TMED10: variants seen among roughly 807,000 people sequenced by gnomAD.
TMED10 encodes the protein transmembrane emp24 domain-containing protein 10.
A neutral mutation model predicts 23.1 loss-of-function variants in TMED10; 7 were observed. That is an observed-to-expected ratio of 0.30 (90% confidence interval 0.17 to 0.57). The LOEUF (loss-of-function observed/expected upper bound fraction) is 0.57. Ranked by LOEUF, TMED10 falls within the 20% of genes least tolerant of loss-of-function variation. The pLI is 0.91. For synonymous variants in TMED10, 113 were observed against 106.9 expected (o/e 1.06, Z -0.35); for missense variants, 162 against 274.8 (o/e 0.59, Z 2.90).
intron 1 of TMED10, among the ~76,000 whole-genome samples, chr14:75,158,616 C>T (rs998524625): frequency 6.6e-6 from 1 of 151,750 alleles, no homozygotes; most frequent in Admixed American, 6.5e-5. Flanking sequence ...CATGAGCCAC[C>T]GTGCCCAGCC....
chr14:75,143,027 T>G (rs1183747699), intron 3 of TMED10, among the ~76,000 whole-genome samples: 1 of 152,060 alleles, frequency 6.6e-6, no homozygotes, highest in African/African-American at 2.4e-5. Flanking sequence ...CCCAGCTAAT[T>G]TTTGTATTTT....
chr14:75,159,977 C>T (rs1896067382), intron 1 of TMED10, among the ~76,000 whole-genome samples: 1 of 152,190 alleles, frequency 6.6e-6, no homozygotes, highest in African/African-American at 2.4e-5. Flanking sequence ...TGAAATTTAC[C>T]TCCCAGAAAT....
At chr14:75,151,998 T>A (rs780961354) in intron 2 of TMED10, 34 bp downstream of exon 2, 1 of 1,562,912 alleles carries the variant, frequency 6.4e-7, no homozygotes, top group African/African-American at 1.4e-5. Context: ...TTGGAGAAGA[T>A]TCTTAATCCA....
intron 3 of TMED10, among the ~76,000 whole-genome samples, chr14:75,143,137 G>A (rs2139836331): frequency 6.6e-6 from 1 of 152,258 alleles, no homozygotes; most frequent in South Asian, 2.1e-4. Flanking sequence ...GGGATTACAG[G>A]TGTGAGCCAC....
At chr14:75,152,772 G>A (rs1227402899) in intron 1 of TMED10, among the ~76,000 whole-genome samples, 2 of 149,948 alleles carry the variant, frequency 1.3e-5, no homozygotes, top group African/African-American at 2.5e-5. Context: ...GGTGGCTCAC[G>A]CCTGTAATCC....
intron 1 of TMED10, among the ~76,000 whole-genome samples, chr14:75,156,244 TAG>T (rs1203965857): frequency 6.6e-6 from 1 of 152,160 alleles, no homozygotes; most frequent in African/African-American, 2.4e-5. Flanking sequence ...GCCTTCAGTA[TAG>T]AGAGAAGGTG....
intron 1 of TMED10, among the ~76,000 whole-genome samples, chr14:75,161,140 C>T (rs183562755): frequency 3.3e-4 from 50 of 152,268 alleles, no homozygotes; most frequent in African/African-American, 1.0e-3. Context: ...GTGAGAAGTG[C>T]GAAAACAGGT....
intron 1 of TMED10, among the ~76,000 whole-genome samples, chr14:75,164,577 A>ATTTTTTTTTTT (rs60845992): frequency 1.3e-4 from 6 of 45,118 alleles, no homozygotes; most frequent in African/African-American, 4.4e-4. Context: ...ATATATATAT[A>ATTTTTTTTTTT]TTTTTTTTTT....
At chr14:75,155,051 C>T (rs867159427) in intron 1 of TMED10, among the ~76,000 whole-genome samples, 9 of 151,896 alleles carry the variant, frequency 5.9e-5, no homozygotes, top group African/African-American at 1.9e-4. Flanking sequence ...CTCCGCCTTC[C>T]GGATTCAAGT....
At position 75,170,083 on chromosome 14, in the gene TMED10, C is replaced by T. The variant is rs534126825; in HGVS notation, c.225+6272G>A. On this transcript the variant is annotated intron_variant, in intron 1 of 4. Transcript: ENST00000303575. ...AATACAAAAAATACAAAAAATTAGC[C>T]GGGCGTGGTGGCGGGCGCCTGTAGT... Among the ~76,000 whole-genome samples the T allele has an allele frequency of 1.6e-4, 24 of 152,002 alleles. No homozygotes were observed. The South Asian group carries it at 2.9e-3, about 18-fold the overall frequency.
Position 75,131,896 on chromosome 14 carries a change from G to A in TMED10, c.*2989C>T, listed in dbSNP as rs1288409931. The A allele has an allele frequency of 6.6e-6, 1 of 152,338 alleles. No individual in the cohort carries two copies. Among genetic ancestry groups the A allele is most frequent in the African/African-American group, 2.4e-5 (1 of 41,450 alleles). 9.4% of individuals were successfully genotyped at this position (152,338 alleles called of 1,614,324 possible). On this transcript the variant is annotated 3_prime_UTR_variant, in exon 5 of 5. Coordinates refer to ENST00000303575, the MANE Select transcript of TMED10 (RefSeq NM_006827.6). ...TCAACTCCTACAAAGCTTAAGTTTA[G>A]GGTCACACTTGGGAACAAAAGCATC...
chr14:75,139,074 C>G (rs1452524823), intron 3 of TMED10: 1 of 432,958 alleles, frequency 2.3e-6, no homozygotes, highest in East Asian at 7.2e-5. Flanking sequence ...AAAAGTCTAC[C>G]TTCATGGTTC....
rs1402491961 is a variant in TMED10, at chr14:75,131,821, T to C, written c.*3064A>G. 4.6e-5 allele frequency: 7 copies of C among 152,188 alleles called. No homozygotes were observed. The highest frequency in any genetic ancestry group is 4.6e-4 in the Admixed American group (7 of 15,270). The allele number at this position is 152,188 out of a possible 1,614,324, so 9.4% of individuals were successfully genotyped here. ...ACTTTTAAACCAAAAGCACAAAATG[T>C]CCCAGTTGATAGTTTCGGCATGAGT... On this transcript the variant is annotated 3_prime_UTR_variant, in exon 5 of 5. Coordinates refer to ENST00000303575, the MANE Select transcript of TMED10 (RefSeq NM_006827.6).
At chr14:75,154,193 A>G (rs1194055714) in intron 1 of TMED10, among the ~76,000 whole-genome samples, 1 of 145,392 alleles carries the variant, frequency 6.9e-6, no homozygotes, top group Non-Finnish European at 1.5e-5. Context: ...GGAGTTTGAG[A>G]CCAGCCTGGC....
chr14:75,138,825 T>TATTTTTTTA (rs60535884), intron 3 of TMED10, among the ~76,000 whole-genome samples: 1 of 141,628 alleles, frequency 7.1e-6, no homozygotes, highest in Admixed American at 7.0e-5. Context: ...TTTTTTTTTT[T>TATTTTTTTA]TTTTTTTATT....
At chr14:75,138,786 C>T (rs1393163057) in intron 3 of TMED10, among the ~76,000 whole-genome samples, 2 of 149,920 alleles carry the variant, frequency 1.3e-5, no homozygotes, top group African/African-American at 4.9e-5. Context: ...TACTTTAAAG[C>T]CTACTGAATC....
At chr14:75,155,039 A>G (rs925143198) in intron 1 of TMED10, among the ~76,000 whole-genome samples, 4 of 150,280 alleles carry the variant, frequency 2.7e-5, no homozygotes, top group African/African-American at 9.8e-5. Context: ...GCTCACTGCA[A>G]CCTCCGCCTT....
chr14:75,171,929 C>CTTTTTT (rs918924697), intron 1 of TMED10, among the ~76,000 whole-genome samples: 1 of 143,102 alleles, frequency 7.0e-6, no homozygotes, highest in African/African-American at 2.6e-5. Context: ...CTGGTTACAT[C>CTTTTTT]TTTTTTTTTT....
intron 3 of TMED10, among the ~76,000 whole-genome samples, chr14:75,147,185 G>GTTCTTTTTT (rs1895894758): frequency 8.6e-6 from 1 of 116,634 alleles, no homozygotes; most frequent in African/African-American, 3.8e-5. Context: ...CTTCAAGGCT[G>GTTCTTTTTT]TTTTTTTTTT....
Sources: allele counts gnomAD v4.1 joint callset (sites outside exome capture counted in the v4.1 genomes callset), GRCh38; gene constraint gnomAD v4.1.1; transcripts MANE v1.5; gene names NCBI Gene and HGNC (gene_info 2026-07-23, HGNC 2026-07-21).